ABCC5: variants seen among roughly 807,000 people sequenced by gnomAD.
ABCC5 encodes ATP binding cassette subfamily C member 5, also known as ATP-binding cassette sub-family C member 5.
ABCC5 carries 61 observed loss-of-function variants against 160.9 expected under a neutral mutation model. The observed-to-expected ratio is 0.38, with a 90% CI of 0.31 to 0.47. ABCC5 has a LOEUF of 0.47. Ranked by LOEUF, ABCC5 falls within the 20% of genes least tolerant of loss-of-function variation. ABCC5 has a pLI of 0.99. For missense variants in ABCC5, 1,308 were observed against 1,813.3 expected, an observed-to-expected ratio of 0.72 and a Z score of 5.06; for synonymous variants, 666 against 700.6, an observed-to-expected ratio of 0.95 and a Z score of 0.78.
chr3:184,017,341 G>A lies in ABCC5; in HGVS notation c.-56+489C>T, dbSNP rs554040660. 1 of 152,236 alleles carries A rather than the reference G, an allele frequency of 6.6e-6. No homozygotes were observed. Among genetic ancestry groups the A allele is most frequent in the African/African-American group, 2.4e-5 (1 of 41,456 alleles). The allele number at this position is 152,236 out of a possible 1,614,324, so 9.4% of individuals were successfully genotyped here. On this transcript the variant is annotated intron_variant, in intron 1 of 29. Coordinates refer to ENST00000334444, the MANE Select transcript of ABCC5 (RefSeq NM_005688.4). This position sits in a 1 kb window ranked among gnomAD's most constrained non-coding sequence, Gnocchi z 4.5. ...TTTACCCGCTTGCAAAAACGAAGGG[G>A]ATGACTTACTTCGAAGGTCGCTGGC... is the stretch of plus-strand genomic sequence containing the variant.
chr3:183,959,708 TA>T, intron 17 of ABCC5, 24 bp downstream of exon 17: 1 of 1,542,882 alleles, frequency 6.5e-7, no homozygotes, highest in Non-Finnish European at 8.9e-7. Flanking sequence ...ATGACAAATC[TA>T]AAAATTTCAA....
Position 183,971,720 on chromosome 3 carries a change from C to T in ABCC5, c.1604G>A (p.Arg535His), listed in dbSNP as rs550542220. The T allele has an allele frequency of 1.5e-5, 24 of 1,614,188 alleles. No individual in the cohort carries two copies. Among genetic ancestry groups the T allele is most frequent in the African/African-American group, 4.0e-5 (3 of 75,042 alleles). Residue 535 changes from arginine to histidine, a missense_variant, in exon 11 of 30, where the codon CGC becomes CAC. Arg to His is a conservative substitution (Grantham distance 29, BLOSUM62 0). Transcript: ENST00000334444. ...TGCCAGCACCGCCTGATGCTCAGTG[C>T]GCTGCAGCTGCCTCACCTTCTCTTT... Reference protein sequence around the residue: ...GKKEKVRQLQRTEHQAVLAEQ... With the variant: ...GKKEKVRQLQHTEHQAVLAEQ...
At chr3:184,014,526 GA>G (rs67088806) in intron 1 of ABCC5, 79 bp from the exon 2 acceptor site, 72,217 of 523,352 alleles carry the variant, frequency 0.14, 689 homozygotes, top group African/African-American at 0.16. Flanking sequence ...TTAAAAATAG[GA>G]AAAAAAAAAA....
At position 184,017,869 on chromosome 3, in the gene ABCC5, C is replaced by G. The variant is rs1392007096; in HGVS notation, c.-95G>C. 1.3e-5 allele frequency: 2 copies of G among 152,628 alleles called. No individual in the cohort carries two copies. Among genetic ancestry groups the G allele is most frequent in the Non-Finnish European group, 2.9e-5 (2 of 68,340 alleles). 9.5% of individuals were successfully genotyped at this position (152,628 alleles called of 1,614,324 possible). On this transcript the variant is annotated 5_prime_UTR_variant, in exon 1 of 30. Coordinates refer to ENST00000334444, the MANE Select transcript of ABCC5 (RefSeq NM_005688.4). This position sits in a 1 kb window ranked among gnomAD's most constrained non-coding sequence, Gnocchi z 4.5. ...CAGGACAACCGCGCCAGCCGCTCAA[C>G]CACGCTCCCGAGCATGAGCCCTGCA...
At chr3:183,930,757 G>A (rs1176274902) in intron 26 of ABCC5, among the ~76,000 whole-genome samples, 2 of 152,210 alleles carry the variant, frequency 1.3e-5, no homozygotes, top group Non-Finnish European at 2.9e-5. Flanking sequence ...GTGGCAGCAT[G>A]GCCCAAATGA....
At chr3:183,929,608 G>C (rs576704354) in intron 26 of ABCC5, among the ~76,000 whole-genome samples, 5 of 152,114 alleles carry the variant, frequency 3.3e-5, no homozygotes, top group Admixed American at 3.3e-4. Flanking sequence ...GAGGAAGAAG[G>C]AGAGAAAGAA....
chr3:183,985,139 G>A (rs756589681), intron 5 of ABCC5: 6 of 704,288 alleles, frequency 8.5e-6, no homozygotes, highest in Non-Finnish European at 1.4e-5. Context: ...CATTTTTTAG[G>A]GGATAAAGAA....
Position 183,953,175 on chromosome 3 carries a change from G to A in ABCC5, c.2578C>T (p.Leu860=). Reference sequence around the variant, plus strand: ...AGCATGAAAAGGGCCATAATAACCAGGAATGCCAAGGGGCCCCCAGCAGCC... The same window carrying A: ...AGCATGAAAAGGGCCATAATAACCAAGAATGCCAAGGGGCCCCCAGCAGCC... The part of the protein sequence containing the change: ...IQAAGGPLAF[L]VIMALFMLNV... The change falls in exon 18 of 30, where the codon CTG becomes TTG. Residue 860 remains leucine (L), a synonymous_variant. Transcript: ENST00000334444. 1 of 1,614,150 alleles carries A rather than the reference G, an allele frequency of 6.2e-7. No homozygotes were observed. Among genetic ancestry groups the A allele is most frequent in the Non-Finnish European group, 8.5e-7 (1 of 1,180,042 alleles).
At chr3:183,924,316 G>A (rs1015682000) in intron 29 of ABCC5, among the ~76,000 whole-genome samples, 3 of 152,020 alleles carry the variant, frequency 2.0e-5, no homozygotes, top group Non-Finnish European at 2.9e-5. Context: ...CACCGTGCCC[G>A]GCCTACTCCA....
intron 18 of ABCC5, 102 bp from the exon 19 acceptor site, chr3:183,952,105 A>G: frequency 2.4e-6 from 3 of 1,229,254 alleles, no homozygotes; most frequent in Non-Finnish European, 2.2e-6. Context: ...GTACAGGATA[A>G]TGACCCACCC....
At chr3:183,942,286 G>A (rs907239455) in intron 25 of ABCC5, 6 of 427,088 alleles carry the variant, frequency 1.4e-5, no homozygotes, top group East Asian at 7.0e-5. Context: ...CACCCGCCTC[G>A]CCCTCCCAAA....
At position 183,960,969 on chromosome 3, in the gene ABCC5, T is replaced by G. The variant is rs1352106884; in HGVS notation, c.2379+542A>C. Among the ~76,000 whole-genome samples, 3 of 152,022 alleles carry G rather than the reference T, an allele frequency of 2.0e-5. No homozygotes were observed. The East Asian group carries it at 5.8e-4, about 29-fold the overall frequency. On this transcript the variant is annotated intron_variant, in intron 16 of 29. Coordinates refer to ENST00000334444, the MANE Select transcript of ABCC5 (RefSeq NM_005688.4). ...CCTGGCTAATTTTTGTATTTTTTTG[T>G]AAAGACGGGGTTTCTCTCTATGTTG... is the stretch of plus-strand genomic sequence containing the variant.
intron 16 of ABCC5, among the ~76,000 whole-genome samples, chr3:183,960,342 T>C (rs975989180): frequency 1.3e-5 from 2 of 152,154 alleles, no homozygotes; most frequent in Admixed American, 1.3e-4. Context: ...CACCATTCCT[T>C]ACACCACACT....
At chr3:183,995,390 T>G (rs1341780531) in intron 2 of ABCC5, among the ~76,000 whole-genome samples, 1 of 152,250 alleles carries the variant, frequency 6.6e-6, no homozygotes, top group Admixed American at 6.5e-5. Flanking sequence ...TTTTCTCCTA[T>G]GTGCTCTCTT....
At chr3:183,940,387 T>TA (rs1376226785) in intron 25 of ABCC5, among the ~76,000 whole-genome samples, 3 of 137,496 alleles carry the variant, frequency 2.2e-5, no homozygotes, top group Non-Finnish European at 4.6e-5. Flanking sequence ...CATGTGCCTG[T>TA]AATCCCAGCT....
chr3:183,963,666 T>C lies in ABCC5; in HGVS notation c.2032-78A>G. The C allele has an allele frequency of 1.4e-6, 2 of 1,417,674 alleles. No individual in the cohort carries two copies. The highest frequency in any genetic ancestry group is 1.9e-6 in the Non-Finnish European group (2 of 1,026,722). 87.8% of individuals were successfully genotyped at this position (1,417,674 alleles called of 1,614,324 possible). On this transcript the variant is annotated intron_variant, in intron 14 of 29. Transcript: ENST00000334444. The surrounding 1 kb of genome is among the most constrained non-coding windows in gnomAD (Gnocchi z 4.6). Reference sequence around the variant, plus strand: ...TGGAGGGGTCACCCAGTCACTTCTCTTCTTGCCCACCCAGACCAGCTCCTT... The same window carrying C: ...TGGAGGGGTCACCCAGTCACTTCTCCTCTTGCCCACCCAGACCAGCTCCTT...
intron 29 of ABCC5, among the ~76,000 whole-genome samples, chr3:183,923,499 T>A (rs185925016): frequency 1.6e-4 from 25 of 152,256 alleles, no homozygotes; most frequent in African/African-American, 5.8e-4. Flanking sequence ...GGCACATGCC[T>A]GTACTCCCAG....
At chr3:183,994,926 C>T (rs1042402610) in intron 2 of ABCC5, among the ~76,000 whole-genome samples, 47 of 149,586 alleles carry the variant, frequency 3.1e-4, no homozygotes, top group African/African-American at 1.1e-3. Flanking sequence ...GGCATGATCA[C>T]GGCTCATTGC....
Position 183,965,924 on chromosome 3 carries a change from A to G in ABCC5, c.1834-423T>C, listed in dbSNP as rs141280463. On this transcript the variant is annotated intron_variant, in intron 12 of 29. Transcript: ENST00000334444. ...GATGCTGGCTAGACCAGTTGCTTCT[A>G]TGAAATGAGGACCAAGGGAAAAAAA... Among the ~76,000 whole-genome samples the G allele has an allele frequency of 6.3e-3, 959 of 152,202 alleles. 6 individuals are homozygous for G. The highest frequency in any genetic ancestry group is 9.7e-3 in the Admixed American group (148 of 15,294).
Sources: allele counts gnomAD v4.1 joint callset (sites outside exome capture counted in the v4.1 genomes callset), GRCh38; gene constraint gnomAD v4.1.1; non-coding constraint Gnocchi (gnomAD v3.1); transcripts MANE v1.5; gene names NCBI Gene and HGNC (gene_info 2026-07-23, HGNC 2026-07-21).